SEMA6C: variants seen among roughly 807,000 people sequenced by gnomAD.
The protein encoded by SEMA6C is semaphorin 6C, also known as semaphorin-6C.
SEMA6C carries 37 observed loss-of-function variants against 72.9 expected under a neutral mutation model. The observed-to-expected ratio is 0.51, with a 90% CI of 0.39 to 0.67. The LOEUF is 0.67. Ranked by LOEUF, SEMA6C falls within the 30% of genes least tolerant of loss-of-function variation. The pLI, the probability that SEMA6C is intolerant of heterozygous loss-of-function variation, is 0.00. For synonymous variants in SEMA6C, 578 were observed against 554.1 expected, an observed-to-expected ratio of 1.04 and a Z score of -0.61; for missense variants, 1,189 against 1,263.6, an observed-to-expected ratio of 0.94 and a Z score of 0.89.
intron 12 of SEMA6C, 72 bp downstream of exon 12, chr1:151,136,376 T>C (rs1419256201): frequency 1.3e-6 from 2 of 1,573,330 alleles, no homozygotes; most frequent in Admixed American, 3.7e-5. Flanking sequence ...TCTCATTACC[T>C]CCTCACAATC....
chr1:151,133,647 C>T lies in SEMA6C; in HGVS notation c.1760-130G>A. ...CCGCTGCTACTCAGCCTCACTCCTACAGCCTCCACCATCCTCAGGATTCAC... is the reference window on the plus strand; with the variant it reads ...CCGCTGCTACTCAGCCTCACTCCTATAGCCTCCACCATCCTCAGGATTCAC... On this transcript the variant is annotated intron_variant, in intron 18 of 18. Coordinates refer to ENST00000368914, the MANE Select transcript of SEMA6C (RefSeq NM_030913.6). This position sits in a 1 kb window ranked among gnomAD's most constrained non-coding sequence, Gnocchi z 5.9. 4 of 1,379,414 alleles carry T rather than the reference C, an allele frequency of 2.9e-6. No homozygotes were observed. In the East Asian group the frequency reaches 1.0e-4, roughly 35 times the overall value. The allele number at this position is 1,379,414 out of a possible 1,614,324, so 85.4% of individuals were successfully genotyped here. A position where few individuals can be genotyped will look rare whatever the true frequency, so the allele number is the denominator to read the frequency against.
At chr1:151,140,994 T>C (rs1040408540) in intron 3 of SEMA6C, among the ~76,000 whole-genome samples, 1 of 67,218 alleles carries the variant, frequency 1.5e-5, no homozygotes, top group Non-Finnish European at 3.2e-5. Flanking sequence ...CAAGACTCCG[T>C]CTCGAAAAAA....
In SEMA6C at chr1:151,132,790, G is replaced by A; in HGVS notation, c.2487C>T (p.Ala829=). 2.2e-6 allele frequency: 3 copies of A among 1,351,514 alleles called. No homozygotes were observed. The highest frequency in any genetic ancestry group is 2.9e-6 in the Non-Finnish European group (3 of 1,045,262). The allele number at this position is 1,351,514 out of a possible 1,614,324, so 83.7% of individuals were successfully genotyped here. ...AGAGCGCGGGCCGGGCGGGGGCAGA[G>A]GCGCACCTGCCCTCGGGGGGCACGT... ...RLDVPPEGRC[A]SAPARPALSA... is the part of the protein sequence containing the mutation. Residue 829 remains alanine, a synonymous_variant, in exon 19 of 19, where the codon GCC becomes GCT. Transcript: ENST00000368914.
At chr1:151,138,578 C>T (rs961970640) in intron 7 of SEMA6C, 52 bp downstream of exon 7, 2 of 1,558,708 alleles carry the variant, frequency 1.3e-6, no homozygotes, top group Non-Finnish European at 1.8e-6. Context: ...ACCCATTGCC[C>T]ATCTTGGGGT....
At chr1:151,135,988 G>A in intron 13 of SEMA6C, 23 bp downstream of exon 13, 1 of 1,613,920 alleles carries the variant, frequency 6.2e-7, no homozygotes, top group Non-Finnish European at 8.5e-7. Flanking sequence ...GGAGGCAGTG[G>A]TCAGTGTTTT....
chr1:151,145,422 TC>T lies in SEMA6C; in HGVS notation c.-104-989del, dbSNP rs1296548757. On this transcript the variant is annotated intron_variant, in intron 1 of 18. Transcript: ENST00000368914. The surrounding 1 kb of genome is among the most constrained non-coding windows in gnomAD (Gnocchi z 4.4). Reference sequence around the variant, plus strand: ...AGCCTGTGGAACCGGAGCTTTCCTTTCTCCAAGCCATTTCCCCCACTCTTAG... The same window carrying T: ...AGCCTGTGGAACCGGAGCTTTCCTTTTCCAAGCCATTTCCCCCACTCTTAG... The T allele has an allele frequency of 6.6e-6, 1 of 152,528 alleles. No homozygotes were observed. Among genetic ancestry groups the T allele is most frequent in the East Asian group, 1.9e-4 (1 of 5,202 alleles). 9.4% of individuals were successfully genotyped at this position (152,528 alleles called of 1,614,324 possible). A position where few individuals can be genotyped will look rare whatever the true frequency, so the allele number is the denominator to read the frequency against.
In SEMA6C at chr1:151,133,411, G is replaced by T; in HGVS notation, c.1866C>A (p.Gly622=). Residue 622 remains glycine (G), a synonymous_variant, in exon 19 of 19, where the codon GGC becomes GGA. Transcript: ENST00000368914. This position sits in a 1 kb window ranked among gnomAD's most constrained non-coding sequence, Gnocchi z 5.9. ...AAFALGASVS[G]LLVSCACRRA... The stretch of plus-strand genomic sequence containing the variant: ...GGCGACAAGCACAGGAGACCAGGAG[G>T]CCAGAGACTGAGGCGCCCAGGGCAA... The T allele has an allele frequency of 1.3e-6, 2 of 1,594,840 alleles. No individual in the cohort carries two copies. The highest frequency in any genetic ancestry group is 1.7e-5 in the Admixed American group (1 of 58,922).
At chr1:151,137,589 G>A (rs766965711) in intron 10 of SEMA6C, 122 bp downstream of exon 10, 359 of 793,602 alleles carry the variant, frequency 4.5e-4, no homozygotes, top group Middle Eastern at 7.6e-4. Context: ...CCAAGTTGAG[G>A]GGTGAGAGTC....
chr1:151,140,165 C>T (rs1217424996), intron 3 of SEMA6C, 75 bp from the exon 4 acceptor site: 1 of 1,174,136 alleles, frequency 8.5e-7, no homozygotes. Flanking sequence ...AGATGAAACC[C>T]AGCAGTGGAC....
intron 4 of SEMA6C, 43 bp from the exon 5 acceptor site, chr1:151,139,744 C>A (rs746229504): frequency 3.3e-6 from 5 of 1,527,826 alleles, no homozygotes; most frequent in South Asian, 2.5e-5. Flanking sequence ...AGTCAAGGCA[C>A]CCCACTTTAC....
At position 151,139,964 on chromosome 1, in the gene SEMA6C, C is replaced by T. The variant is rs368523107; in HGVS notation, c.233+12G>A. 70 of 1,609,670 alleles carry T rather than the reference C, an allele frequency of 4.3e-5. No homozygotes were observed. The highest frequency in any genetic ancestry group is 3.3e-4 in the Middle Eastern group (2 of 6,048). Reference sequence around the variant, plus strand: ...GCATGTCTGCCCCACAACTGTGCCACGGCCAGTTTACCGGGCAGCCACTAG... The same window carrying T: ...GCATGTCTGCCCCACAACTGTGCCATGGCCAGTTTACCGGGCAGCCACTAG... On this transcript the variant is annotated intron_variant, in intron 4 of 18. Coordinates refer to ENST00000368914, the MANE Select transcript of SEMA6C (RefSeq NM_030913.6).
chr1:151,135,056 C>T (rs1224838183), intron 15 of SEMA6C, 107 bp downstream of exon 15: 3 of 1,515,572 alleles, frequency 2.0e-6, no homozygotes, highest in Non-Finnish European at 1.8e-6. Context: ...CTAGGCACCC[C>T]ACAGCCATCC....
intron 7 of SEMA6C, 39 bp from the exon 8 acceptor site, chr1:151,138,445 T>A: frequency 1.3e-6 from 2 of 1,584,820 alleles, no homozygotes; most frequent in Non-Finnish European, 1.7e-6. Flanking sequence ...ACCTTTAGGG[T>A]CTTGGAGTCT....
At chr1:151,136,828 T>TGGGTCACACTA (rs753419649) in intron 11 of SEMA6C, 29 bp downstream of exon 11, 2 of 1,588,462 alleles carry the variant, frequency 1.3e-6, no homozygotes, top group Non-Finnish European at 8.6e-7. Context: ...GGGGACAGAT[T>TGGGTCACACTA]GGGTCACACT....
chr1:151,132,982 G>A lies in SEMA6C; in HGVS notation c.2295C>T (p.Thr765=). ...PGCPGQAVEV[T]TLEELLRYLH... ...GGTAGCGCAGCAGTTCCTCCAGGGT[G>A]GTGACTTCCACGGCCTGCCCGGGAC... is the stretch of plus-strand genomic sequence containing the variant. Residue 765 remains threonine, a synonymous_variant, in exon 19 of 19, where the codon ACC becomes ACT. Coordinates refer to ENST00000368914, the MANE Select transcript of SEMA6C (RefSeq NM_030913.6). 7.1e-7 allele frequency: 1 copy of A among 1,413,680 alleles called. No individual in the cohort carries two copies. The highest frequency in any genetic ancestry group is 9.3e-7 in the Non-Finnish European group (1 of 1,079,990). 87.6% of individuals were successfully genotyped at this position (1,413,680 alleles called of 1,614,324 possible).
rs1462860027 is a variant in SEMA6C at position 151,140,065 on chromosome 1, C to G, written c.144G>C (p.Arg48=). 1 of 1,614,070 alleles carries G rather than the reference C, an allele frequency of 6.2e-7. No individual in the cohort carries two copies. The highest frequency in any genetic ancestry group is 8.5e-7 in the Non-Finnish European group (1 of 1,179,998). The change falls in exon 4 of 19, where the codon CGG becomes CGC. Residue 48 remains arginine (R), a synonymous_variant. Transcript: ENST00000368914. ...CAGCCACAGCATCATCCTCCAGGCC[C>G]CGAAACCAGGATAATGGGGAAGTAC... ...LQGTSPLSWF[R]GLEDDAVAAE...
In SEMA6C at chr1:151,133,265, C is replaced by T. The variant is rs1350091428; in HGVS notation, c.2012G>A (p.Gly671Glu). 1 of 1,579,516 alleles carries T rather than the reference C, an allele frequency of 6.3e-7. No individual in the cohort carries two copies. Among genetic ancestry groups the T allele is most frequent in the Admixed American group, 1.7e-5 (1 of 57,292 alleles). ...GAGCTGCGGCGTCTGCACCGCGTCC[C>T]CGTCCTTGGAGGGCGGCGGGGGCTC... is the stretch of plus-strand genomic sequence containing the variant. ...GPEPPPPSKD[G>E]DAVQTPQLYT... is the part of the protein sequence containing the mutation. Residue 671 changes from glycine to glutamate, a missense_variant, in exon 19 of 19, where the codon GGG becomes GAG. Gly to Glu is a moderately conservative substitution (Grantham distance 98). Coordinates refer to ENST00000368914, the MANE Select transcript of SEMA6C (RefSeq NM_030913.6). The surrounding 1 kb of genome is among the most constrained non-coding windows in gnomAD (Gnocchi z 5.9).
intron 18 of SEMA6C, chr1:151,134,171 G>C (rs1681819721): frequency 3.7e-6 from 3 of 816,482 alleles, no homozygotes; most frequent in African/African-American, 3.5e-5. Context: ...CCAGCCTCTA[G>C]TTTCTTCTGG....
At position 151,132,761 on chromosome 1, in the gene SEMA6C, G is replaced by A. The variant is rs1572017589; in HGVS notation, c.2516C>T (p.Ala839Val). ...ASAPARPALS[A>V]PAPRLGVGGG... ...GCCGACGCCCAGCCGGGGAGCGGGG[G>A]CGGAGAGCGCGGGCCGGGCGGGGGC... is the stretch of plus-strand genomic sequence containing the variant. The change falls in exon 19 of 19, where the codon GCC (alanine) becomes GTC (valine). Residue 839 changes from alanine to valine, a missense_variant. By Grantham distance (64) the Ala-to-Val change is moderately conservative. This residue lies in a region of SEMA6C where 721 missense variants were observed against 686.2 expected (regional missense o/e 1.05). Coordinates refer to ENST00000368914, the MANE Select transcript of SEMA6C (RefSeq NM_030913.6). 6.3e-6 allele frequency: 9 copies of A among 1,437,108 alleles called. No homozygotes were observed. Among genetic ancestry groups the A allele is most frequent in the South Asian group, 6.0e-5 (4 of 66,736 alleles). 89.0% of individuals were successfully genotyped at this position (1,437,108 alleles called of 1,614,324 possible). A position where few individuals can be genotyped will look rare whatever the true frequency, so the allele number is the denominator to read the frequency against.
Sources: allele counts gnomAD v4.1 joint callset (sites outside exome capture counted in the v4.1 genomes callset), GRCh38; gene constraint gnomAD v4.1.1; regional missense constraint gnomAD v4.1.1; non-coding constraint Gnocchi (gnomAD v3.1); transcripts MANE v1.5; gene names NCBI Gene and HGNC (gene_info 2026-07-23, HGNC 2026-07-21).